Variants in AKT3 observed in about 807,000 individuals in gnomAD.
AKT3 encodes the protein RAC-gamma serine/threonine-protein kinase.
AKT3 carries 15 observed loss-of-function variants against 65.3 expected under a neutral mutation model. That is an observed-to-expected ratio of 0.23 (90% confidence interval 0.15 to 0.35). The LOEUF is 0.35. Among genes scored for constraint, AKT3 ranks in the 10% least tolerant of loss-of-function variants. The pLI, the probability that AKT3 is intolerant of heterozygous loss-of-function variation, is 1.00. For synonymous variants in AKT3, 206 were observed against 183.8 expected (o/e 1.12, Z -0.98); for missense variants, 243 against 576.5 (o/e 0.42, Z 5.92).
intron 12 of AKT3, among the ~76,000 whole-genome samples, chr1:243,544,604 G>A (rs562903917): frequency 6.6e-6 from 1 of 152,124 alleles, no homozygotes; most frequent in Admixed American, 6.5e-5. Context: ...CTGGCCAACA[G>A]AGACCTTGCC....
At chr1:243,489,886 T>G (rs2148272138) in intron 13 of AKT3, among the ~76,000 whole-genome samples, 1 of 152,248 alleles carries the variant, frequency 6.6e-6, no homozygotes, top group Middle Eastern at 3.4e-3. Context: ...CCCGGTGAAT[T>G]TGGAACACAG....
At chr1:243,556,800 G>T (rs182043599) in intron 10 of AKT3, among the ~76,000 whole-genome samples, 30 of 151,760 alleles carry the variant, frequency 2.0e-4, no homozygotes, top group Admixed American at 1.6e-3. Flanking sequence ...CACAGGTATG[G>T]GCTAAGAAAA....
chr1:243,528,415 A>G (rs1169207233), intron 12 of AKT3, among the ~76,000 whole-genome samples: 1 of 152,140 alleles, frequency 6.6e-6, no homozygotes, highest in Non-Finnish European at 1.5e-5. Flanking sequence ...ATGTCATTCC[A>G]TCACCCAGAT....
At position 243,499,970 on chromosome 1, in the gene AKT3, A is replaced by C; in HGVS notation, c.*5279T>G. On this transcript the variant is annotated 3_prime_UTR_variant, in exon 14 of 14. Transcript: ENST00000673466. Reference sequence around the variant, plus strand: ...GCAGTCGGGCTGGAGCTGGAGTCTGACTCTAGCTGAGCAGAGCTCCTGGTG... The same window carrying C: ...GCAGTCGGGCTGGAGCTGGAGTCTGCCTCTAGCTGAGCAGAGCTCCTGGTG... The C allele has an allele frequency of 1.5e-6, 1 of 646,432 alleles. No individual in the cohort carries two copies. Among genetic ancestry groups the C allele is most frequent in the South Asian group, 1.8e-5 (1 of 56,806 alleles). 40.0% of individuals were successfully genotyped at this position (646,432 alleles called of 1,614,324 possible).
chr1:243,811,526 A>T (rs1204107208), intron 2 of AKT3, among the ~76,000 whole-genome samples: 4 of 152,238 alleles, frequency 2.6e-5, no homozygotes, highest in African/African-American at 9.6e-5. Context: ...AAGAGAGAAT[A>T]CAAACAAATG....
chr1:243,768,191 A>T (rs1017175957), intron 2 of AKT3, among the ~76,000 whole-genome samples: 1 of 151,028 alleles, frequency 6.6e-6, no homozygotes, highest in Admixed American at 6.6e-5. Context: ...AACAAATATT[A>T]TATTGCTATG....
At chr1:243,794,789 T>G (rs1257876458) in intron 2 of AKT3, among the ~76,000 whole-genome samples, 1 of 152,218 alleles carries the variant, frequency 6.6e-6, no homozygotes, top group African/African-American at 2.4e-5. Flanking sequence ...GCAGTCCAAA[T>G]AGAGCAAAGC....
At chr1:243,613,401 A>C (rs1678047922) in intron 8 of AKT3, among the ~76,000 whole-genome samples, 1 of 152,052 alleles carries the variant, frequency 6.6e-6, no homozygotes, top group Non-Finnish European at 1.5e-5. Flanking sequence ...GATTTCAAAA[A>C]TCATACTTCT....
intron 12 of AKT3, among the ~76,000 whole-genome samples, chr1:243,520,248 A>C (rs913348239): frequency 6.6e-6 from 1 of 152,218 alleles, no homozygotes; most frequent in African/African-American, 2.4e-5. Flanking sequence ...CCAAGTAGAC[A>C]CACTAAGGAA....
intron 4 of AKT3, among the ~76,000 whole-genome samples, chr1:243,658,721 A>C (rs1682017550): frequency 1.3e-5 from 2 of 152,128 alleles, no homozygotes; most frequent in Admixed American, 1.3e-4. Context: ...AACAATCTAA[A>C]TATCCATCAG....
At chr1:243,514,922 C>T (rs1435234998) in intron 12 of AKT3, among the ~76,000 whole-genome samples, 1 of 152,174 alleles carries the variant, frequency 6.6e-6, no homozygotes, top group African/African-American at 2.4e-5. Context: ...AAAACATCTA[C>T]CACTTCAAAT....
intron 3 of AKT3, among the ~76,000 whole-genome samples, chr1:243,665,384 T>C (rs757786898): frequency 6.6e-6 from 1 of 152,212 alleles, no homozygotes; most frequent in Non-Finnish European, 1.5e-5. Context: ...GTATTACTTA[T>C]CATTTTAAGA....
intron 6 of AKT3, among the ~76,000 whole-genome samples, chr1:243,628,886 C>A (rs1206764357): frequency 6.6e-6 from 1 of 152,244 alleles, no homozygotes; most frequent in African/African-American, 2.4e-5. Flanking sequence ...ATGAACTAAA[C>A]AAACATAACC....
intron 2 of AKT3, among the ~76,000 whole-genome samples, chr1:243,778,513 T>C (rs1690698595): frequency 6.6e-6 from 1 of 152,178 alleles, no homozygotes; most frequent in Non-Finnish European, 1.5e-5. Flanking sequence ...ATGTAAAGGA[T>C]GAAGCTGGAA....
intron 5 of AKT3, among the ~76,000 whole-genome samples, chr1:243,638,621 G>A (rs776519596): frequency 5.3e-5 from 8 of 152,026 alleles, no homozygotes; most frequent in Non-Finnish European, 7.4e-5. Context: ...GAGAAGAGAA[G>A]GTAATTGTAT....
At chr1:243,726,578 A>G (rs1328391369) in intron 2 of AKT3, among the ~76,000 whole-genome samples, 1 of 152,200 alleles carries the variant, frequency 6.6e-6, no homozygotes, top group Non-Finnish European at 1.5e-5. Flanking sequence ...TGGTTGCTCA[A>G]CTTAGCAACC....
chr1:243,825,931 A>T (rs1558849030), intron 2 of AKT3, among the ~76,000 whole-genome samples: 1 of 152,138 alleles, frequency 6.6e-6, no homozygotes, highest in Non-Finnish European at 1.5e-5. Flanking sequence ...CAAGAGTTCG[A>T]GGTCAGCCTA....
intron 11 of AKT3, among the ~76,000 whole-genome samples, chr1:243,550,716 G>T (rs542892786): frequency 8.0e-5 from 12 of 149,424 alleles, no homozygotes; most frequent in Admixed American, 3.4e-4. Flanking sequence ...AAAGCCGAGG[G>T]GGGTGGATCA....
At chr1:243,670,724 T>C (rs1683100614) in intron 3 of AKT3, among the ~76,000 whole-genome samples, 1 of 152,222 alleles carries the variant, frequency 6.6e-6, no homozygotes, top group Admixed American at 6.5e-5. Flanking sequence ...CTCAGTGTTA[T>C]TTGTTACACT....
Sources: allele counts gnomAD v4.1 joint callset (sites outside exome capture counted in the v4.1 genomes callset), GRCh38; gene constraint gnomAD v4.1.1; transcripts MANE v1.5; gene names NCBI Gene and HGNC (gene_info 2026-07-23, HGNC 2026-07-21).